Variants in PDE1C observed in about 807,000 individuals in gnomAD.
The protein encoded by PDE1C is phosphodiesterase 1C, also known as dual specificity calcium/calmodulin-dependent 3',5'-cyclic nucleotide phosphodiesterase 1C.
In PDE1C, 62 loss-of-function variants were observed where a neutral mutation model predicts 93.1. The observed-to-expected ratio is 0.67, with a 90% CI of 0.54 to 0.82. The LOEUF (loss-of-function observed/expected upper bound fraction) is 0.82. PDE1C is among the 40% of genes least tolerant of loss of function. The pLI, the probability that PDE1C is intolerant of heterozygous loss-of-function variation, is 0.00. For synonymous variants in PDE1C, 325 were observed against 310.1 expected (o/e 1.05, Z -0.50); for missense variants, 742 against 884.6 (o/e 0.84, Z 2.04).
At chr7:32,333,258 T>C (rs1783548624) in intron 1 of PDE1C, among the ~76,000 whole-genome samples, 1 of 152,222 alleles carries the variant, frequency 6.6e-6, no homozygotes, top group Admixed American at 6.5e-5. Context: ...TCCAAGTTTT[T>C]GGCCATGATA....
chr7:32,014,661 C>A (rs1232276901), intron 2 of PDE1C, among the ~76,000 whole-genome samples: 1 of 152,038 alleles, frequency 6.6e-6, no homozygotes, highest in African/African-American at 2.4e-5. Flanking sequence ...CTCCCTGTGT[C>A]CATGTGTTCT....
At chr7:31,628,245 T>C in the PDE1C span, among the ~76,000 whole-genome samples, 10 of 152,078 alleles carry the variant, frequency 6.6e-5, no homozygotes, top group Non-Finnish European at 1.0e-4. Flanking sequence ...GTGCCTCCCA[T>C]TGATGGAACA....
the PDE1C span, chr7:31,642,231 G>A: frequency 1.3e-6 from 2 of 1,556,906 alleles, no homozygotes; most frequent in African/African-American, 1.4e-5. Context: ...GGTTCCTGGA[G>A]GAGCCGCTGG....
rs191480853 is a variant in PDE1C at position 31,827,473 on chromosome 7, C to T, written c.1285+819G>A. On this transcript the variant is annotated intron_variant, in intron 12 of 17. Transcript: ENST00000396191. ...ATTTTTGTTTTTGTAACATTTTGCC[C>T]ATCACCCAATACTGGTTTAATGTCT... Among the ~76,000 whole-genome samples, 251 of 152,226 alleles carry T rather than the reference C, an allele frequency of 1.6e-3. 1 individual carries two copies. Among genetic ancestry groups the T allele is most frequent in the Non-Finnish European group, 2.7e-3 (181 of 68,010 alleles).
chr7:32,210,562 C>A (rs992460682), intron 1 of PDE1C, among the ~76,000 whole-genome samples: 2 of 152,090 alleles, frequency 1.3e-5, no homozygotes, highest in Admixed American at 6.5e-5. Context: ...TTTATTCCAC[C>A]CTCTCACAAA....
Position 32,016,673 on chromosome 7 carries a change from A to G in PDE1C, c.128+34881T>C, listed in dbSNP as rs567795215. ...GCAGACATGAGGTAGAATATTATGT[A>G]GCCATTAAGAATAATGCTTTAGATA... On this transcript the variant is annotated intron_variant, in intron 2 of 17. Coordinates refer to ENST00000396191, the MANE Select transcript of PDE1C (RefSeq NM_001191057.4). 1.2e-4 allele frequency among the ~76,000 whole-genome samples: 18 copies of G among 152,336 alleles called. 1 individual carries two copies. The South Asian group carries it at 3.7e-3, about 32-fold the overall frequency.
rs192992970 is a variant in PDE1C, at chr7:31,825,220, C to T, written c.1286-233G>A. Among the ~76,000 whole-genome samples the T allele has an allele frequency of 2.6e-5, 4 of 152,300 alleles. No individual in the cohort carries two copies. In the East Asian group the frequency reaches 7.7e-4, roughly 29 times the overall value. ...ATAAAGTGCCTAAGAAATATACACT[C>T]AACACCCACTATAGAACAAGCACTG... On this transcript the variant is annotated intron_variant, in intron 12 of 17. Transcript: ENST00000396191.
intron 16 of PDE1C, among the ~76,000 whole-genome samples, chr7:31,807,318 A>G (rs761514635): frequency 5.9e-4 from 89 of 151,888 alleles, no homozygotes; most frequent in Non-Finnish European, 1.2e-3. Context: ...TTACTGCCCC[A>G]TGAGATCCAG....
chr7:31,818,942 C>A (rs1377847721), intron 14 of PDE1C, among the ~76,000 whole-genome samples: 9 of 152,024 alleles, frequency 5.9e-5, no homozygotes. Flanking sequence ...TGAGTCAGAC[C>A]AATTTCCCAT....
the PDE1C span, chr7:31,652,729 G>A: frequency 6.2e-7 from 1 of 1,613,892 alleles, no homozygotes; most frequent in Non-Finnish European, 8.5e-7. Flanking sequence ...TTGGAGAACA[G>A]CACCAGGATG....
chr7:32,311,845 A>G (rs1482172733), intron 1 of PDE1C, among the ~76,000 whole-genome samples: 7 of 152,252 alleles, frequency 4.6e-5, no homozygotes, highest in Admixed American at 6.5e-5. Context: ...AAACTGGCAC[A>G]AGACAGGCAT....
intron 1 of PDE1C, among the ~76,000 whole-genome samples, chr7:32,331,959 G>A (rs1412601706): frequency 6.6e-6 from 1 of 152,032 alleles, no homozygotes; most frequent in African/African-American, 2.4e-5. Context: ...CCCACATTGG[G>A]GCTTGGAAGG....
intron 3 of PDE1C, among the ~76,000 whole-genome samples, chr7:32,150,318 T>C (rs1338406600): frequency 6.6e-6 from 1 of 152,164 alleles, no homozygotes; most frequent in Non-Finnish European, 1.5e-5. Context: ...TCCTCAGTGA[T>C]AAAGAGCCTA....
chr7:31,632,950 G>T, the PDE1C span, among the ~76,000 whole-genome samples: 1 of 151,882 alleles, frequency 6.6e-6, no homozygotes, highest in Admixed American at 6.6e-5. Context: ...GCTGTGGCGC[G>T]ATCTTGGCTC....
intron 17 of PDE1C, among the ~76,000 whole-genome samples, chr7:31,767,393 T>C (rs1795211926): frequency 6.6e-6 from 1 of 152,138 alleles, no homozygotes; most frequent in Non-Finnish European, 1.5e-5. Flanking sequence ...GAGTGATTCC[T>C]CATGAGATCT....
intron 13 of PDE1C, among the ~76,000 whole-genome samples, chr7:31,823,848 T>A (rs1000569478): frequency 6.6e-6 from 1 of 152,130 alleles, no homozygotes; most frequent in Non-Finnish European, 1.5e-5. Context: ...AAGCACCATC[T>A]TTCTGGAAAA....
At chr7:32,102,767 C>A (rs1798100385) in intron 3 of PDE1C, among the ~76,000 whole-genome samples, 1 of 152,196 alleles carries the variant, frequency 6.6e-6, no homozygotes, top group African/African-American at 2.4e-5. Flanking sequence ...AGACTAATGG[C>A]AGAGGCACTG....
chr7:31,850,721 C>G lies in PDE1C; in HGVS notation c.771G>C (p.Glu257Asp). Residue 257 changes from glutamate to aspartate, a missense_variant, in exon 8 of 18, where the codon GAG (glutamate) becomes GAC (aspartate). By Grantham distance (45) the Glu-to-Asp change is conservative (BLOSUM62 2). Transcript: ENST00000396191. ...TGVANWLTELEIFAIIFSAAI... is the reference protein window; with the variant it reads ...TGVANWLTELDIFAIIFSAAI... ...CAGCTGAGAAGATTATAGCAAAGAT[C>G]TCCAGCTCCGTCAGCCAGTTCTGAA... 1 of 1,612,816 alleles carries G rather than the reference C, an allele frequency of 6.2e-7. No individual in the cohort carries two copies. The highest frequency in any genetic ancestry group is 8.5e-7 in the Non-Finnish European group (1 of 1,179,004).
chr7:31,723,070 T>C, the PDE1C span, among the ~76,000 whole-genome samples: 1 of 152,208 alleles, frequency 6.6e-6, no homozygotes, highest in Non-Finnish European at 1.5e-5. Context: ...GAATTCTTCA[T>C]ATCAGCTATT....
Sources: gnomAD v4.1 joint callset for allele counts (sites outside exome capture counted in the v4.1 genomes callset) on GRCh38, gnomAD v4.1.1 for gene constraint, MANE v1.5 for transcripts, NCBI Gene and HGNC (gene_info 2026-07-23, HGNC 2026-07-21) for gene names.